The following AHRR variants were observed in gnomAD, a reference collection of about 807,000 sequenced individuals.
AHRR encodes aryl hydrocarbon receptor repressor.
AHRR carries 28 observed loss-of-function variants against 44.0 expected under a neutral mutation model. The observed-to-expected ratio is 0.64, with a 90% confidence interval of 0.47 to 0.87. AHRR has a LOEUF of 0.87. AHRR is among the 40% of genes least tolerant of loss of function. AHRR has a pLI of 0.00. For missense variants in AHRR, 990 were observed against 953.9 expected (o/e 1.04, Z -0.50); for synonymous variants, 434 against 407.0 (o/e 1.07, Z -0.80).
At position 434,818 on chromosome 5, in the gene AHRR, G is replaced by T; in HGVS notation, c.2078G>T (p.Cys693Phe). ...CTGGTCCCGCCCCAAGCTTCGGGGTGCACATTCCTGCCATAGCGCAGTGAC... is the reference window on the plus strand; with the variant it reads ...CTGGTCCCGCCCCAAGCTTCGGGGTTCACATTCCTGCCATAGCGCAGTGAC... Reference protein sequence around the residue: ...ATLVPPQASGCTFLP With the variant: ...ATLVPPQASGFTFLP Residue 693 changes from cysteine to phenylalanine, a missense_variant, in exon 11 of 11, where the codon TGC (cysteine) becomes TTC (phenylalanine). Physicochemically the swap from Cys to Phe is radical, Grantham distance 205. Coordinates refer to ENST00000684583, the MANE Select transcript of AHRR (RefSeq NM_001377236.1). 1 of 1,549,104 alleles carries T rather than the reference G, an allele frequency of 6.5e-7. No homozygotes were observed. Among genetic ancestry groups the T allele is most frequent in the Non-Finnish European group, 8.7e-7 (1 of 1,145,250 alleles).
chr5:333,438 A>G (rs1265476305), intron 1 of AHRR, among the ~76,000 whole-genome samples: 2 of 152,174 alleles, frequency 1.3e-5, no homozygotes. Flanking sequence ...TCTACTAAAA[A>G]TACAAAAATT....
intron 5 of AHRR, among the ~76,000 whole-genome samples, chr5:420,139 TGGA>T (rs1024585412): frequency 1.5e-4 from 23 of 152,216 alleles, no homozygotes; most frequent in African/African-American, 5.3e-4. Flanking sequence ...GTGCAGTTCC[TGGA>T]GGAGAAGGGG....
chr5:424,391 G>T lies in AHRR; in HGVS notation c.708+414G>T, dbSNP rs548902615. 8.8e-4 allele frequency among the ~76,000 whole-genome samples: 107 copies of T among 121,234 alleles called. 1 individual carries two copies. Among genetic ancestry groups the T allele is most frequent in the African/African-American group, 2.8e-3 (102 of 36,302 alleles). 79.5% of individuals were successfully genotyped at this position (121,234 alleles called of 152,430 possible). On this transcript the variant is annotated intron_variant, in intron 7 of 10. Transcript: ENST00000684583. ...GGGTGTTAACCCATGTGTCCCTGGT[G>T]GGGGGGCGAGGGCCGGTGCTGAGCT...
chr5:356,502 C>G (rs1743053509), intron 3 of AHRR, among the ~76,000 whole-genome samples: 1 of 146,872 alleles, frequency 6.8e-6, no homozygotes, highest in African/African-American at 2.5e-5. Context: ...GTCACGGAGT[C>G]CACCCGGGCA....
rs72717421 is a variant in AHRR at position 434,883 on chromosome 5, C to T, written c.*49C>T. 279,611 of 1,497,662 alleles carry T rather than the reference C, an allele frequency of 0.19. 28,211 individuals are homozygous for T. The highest frequency in any genetic ancestry group is 0.21 in the Admixed American group (9,972 of 48,500). 92.8% of individuals were successfully genotyped at this position (1,497,662 alleles called of 1,614,324 possible). On this transcript the variant is annotated 3_prime_UTR_variant, in exon 11 of 11. Transcript: ENST00000684583. ...AGATCTGTGTGTCTACGCTCAGATG[C>T]GTCGGTGGCTGGGCTGCCCTGCTCC... is the stretch of plus-strand genomic sequence containing the variant.
At chr5:433,348 A>C (rs1736828919) in intron 10 of AHRR, among the ~76,000 whole-genome samples, 2 of 151,544 alleles carry the variant, frequency 1.3e-5, no homozygotes, top group South Asian at 2.1e-4. Context: ...CCCTTTCCTG[A>C]CCAGCCCAGC....
At chr5:427,665 G>A (rs34071983) in intron 7 of AHRR, 142 bp from the exon 8 acceptor site, 18 of 1,613,160 alleles carry the variant, frequency 1.1e-5, no homozygotes, top group African/African-American at 6.7e-5. Flanking sequence ...TGGCAGCTGC[G>A]GCTCTGCTGT....
intron 1 of AHRR, among the ~76,000 whole-genome samples, chr5:340,688 A>ATATATATATATATTT: frequency 7.7e-5 from 1 of 12,930 alleles, no homozygotes; most frequent in Non-Finnish European, 1.3e-4. Context: ...ATATATATAT[A>ATATATATATATATTT]TTTTTTTTTT....
intron 4 of AHRR, among the ~76,000 whole-genome samples, chr5:385,745 C>T (rs1214749258): frequency 4.6e-5 from 7 of 152,152 alleles, no homozygotes; most frequent in East Asian, 1.9e-4. Flanking sequence ...GTTTAGGGTT[C>T]GCTGATCTTC....
At chr5:373,970 G>C (rs1743678387) in intron 3 of AHRR, among the ~76,000 whole-genome samples, 1 of 148,836 alleles carries the variant, frequency 6.7e-6, no homozygotes, top group African/African-American at 2.4e-5. Context: ...ACGCGATGCC[G>C]GGAGGGGCGC....
At chr5:418,379 A>G (rs72711367) in intron 5 of AHRR, among the ~76,000 whole-genome samples, 35,237 of 152,202 alleles carry the variant, frequency 0.23, 5,359 homozygotes, top group Non-Finnish European at 0.34. Context: ...TGATTAAAAC[A>G]CAGAACTTTG....
intron 5 of AHRR, among the ~76,000 whole-genome samples, chr5:413,876 T>C (rs879259966): frequency 6.6e-6 from 1 of 152,164 alleles, no homozygotes; most frequent in Non-Finnish European, 1.5e-5. Flanking sequence ...CAGCCCCAGG[T>C]GGATGACTCC....
At position 340,643 on chromosome 5, in the gene AHRR, G is replaced by A. The variant is rs372599855; in HGVS notation, c.-10-3250G>A. Reference sequence around the variant, plus strand: ...CTCAACATAGGAATTTTGGGTGGACGCAATTATGTTCACAGCAATATTATA... The same window carrying A: ...CTCAACATAGGAATTTTGGGTGGACACAATTATGTTCACAGCAATATTATA... On this transcript the variant is annotated intron_variant, in intron 1 of 10. Transcript: ENST00000684583. Among the ~76,000 whole-genome samples the A allele has an allele frequency of 3.0e-4, 35 of 116,034 alleles. No individual in the cohort carries two copies. In the East Asian group the frequency reaches 5.7e-3, roughly 19 times the overall value. The allele number at this position is 116,034 out of a possible 152,430, so 76.1% of individuals were successfully genotyped here. A position where few individuals can be genotyped will look rare whatever the true frequency, so the allele number is the denominator to read the frequency against.
rs1480498671 is a variant in AHRR at position 422,835 on chromosome 5, G to C, written c.548G>C (p.Gly183Ala). 1 of 1,613,584 alleles carries C rather than the reference G, an allele frequency of 6.2e-7. No homozygotes were observed. The highest frequency in any genetic ancestry group is 1.3e-5 in the African/African-American group (1 of 74,996). ...WAMDPPQVVF[G>A]QPPPLETGDD... is the part of the protein sequence containing the mutation. Reference sequence around the variant, plus strand: ...ATGGACCCTCCCCAGGTGGTGTTTGGGCAGCCCCCGCCCTTGGAGACAGGT... The same window carrying C: ...ATGGACCCTCCCCAGGTGGTGTTTGCGCAGCCCCCGCCCTTGGAGACAGGT... The change falls in exon 6 of 11, where the codon GGG becomes GCG. Residue 183 changes from glycine to alanine, a missense_variant. Transcript: ENST00000684583.
chr5:428,977 C>T (rs541481868), intron 8 of AHRR, among the ~76,000 whole-genome samples: 1 of 152,262 alleles, frequency 6.6e-6, no homozygotes, highest in Non-Finnish European at 1.5e-5. Flanking sequence ...AAGCTTCACT[C>T]GCTTGCGCAG....
chr5:363,210 CAA>C (rs1412284440), intron 3 of AHRR, among the ~76,000 whole-genome samples: 1 of 152,174 alleles, frequency 6.6e-6, no homozygotes, highest in Non-Finnish European at 1.5e-5. Context: ...GTGGGAGGAA[CAA>C]GAGGGATAAG....
At position 376,566 on chromosome 5, in the gene AHRR, G is replaced by A. The variant is rs929795985; in HGVS notation, c.245-44G>A. On this transcript the variant is annotated intron_variant, in intron 3 of 10. Transcript: ENST00000684583. ...GATGTGAATGAAGAAGAGTGGCCAGGCCAAGGGTTGGGGGTGCCTAATGTG... is the reference window on the plus strand; with the variant it reads ...GATGTGAATGAAGAAGAGTGGCCAGACCAAGGGTTGGGGGTGCCTAATGTG... 7 of 1,517,692 alleles carry A rather than the reference G, an allele frequency of 4.6e-6. No homozygotes were observed. In the South Asian group the frequency reaches 6.5e-5, roughly 14 times the overall value. 94.0% of individuals were successfully genotyped at this position (1,517,692 alleles called of 1,614,324 possible).
intron 4 of AHRR, among the ~76,000 whole-genome samples, chr5:380,352 C>T (rs1438895683): frequency 6.6e-6 from 1 of 152,040 alleles, no homozygotes; most frequent in African/African-American, 2.4e-5. Flanking sequence ...AGCTTATTGA[C>T]CGATATCTAC....
chr5:397,814 C>T (rs868678074), intron 4 of AHRR, among the ~76,000 whole-genome samples: 3 of 99,998 alleles, frequency 3.0e-5, no homozygotes, highest in African/African-American at 8.0e-5. Flanking sequence ...TGACCGTCCA[C>T]GTAGCTCCTG....
Sources: gnomAD v4.1 joint callset for allele counts (sites outside exome capture counted in the v4.1 genomes callset) on GRCh38, gnomAD v4.1.1 for gene constraint, MANE v1.5 for transcripts, NCBI Gene and HGNC (gene_info 2026-07-23, HGNC 2026-07-21) for gene names.